DLG2: variants seen among roughly 807,000 people sequenced by gnomAD.
DLG2 encodes the protein discs large MAGUK scaffold protein 2.
In DLG2, 45 loss-of-function variants were observed where a neutral mutation model predicts 132.5. That is an observed-to-expected ratio of 0.34 (90% CI 0.27 to 0.44). DLG2 has a LOEUF of 0.44. DLG2 is among the 20% of genes least tolerant of loss of function. The probability of loss-of-function intolerance (pLI) is 1.00; values close to 1 mark genes in which losing one functional copy is unlikely to be tolerated. For synonymous variants in DLG2, 424 were observed against 419.6 expected, an observed-to-expected ratio of 1.01 and a Z score of -0.13; for missense variants, 1,045 against 1,196.9, an observed-to-expected ratio of 0.87 and a Z score of 1.87.
At chr11:83,725,464 G>A (rs1285153150) in intron 18 of DLG2, 1 of 152,266 alleles carries the variant, frequency 6.6e-6, no homozygotes, top group African/African-American at 2.4e-5. Context: ...TGCTTAAATC[G>A]TCCCTTAGGT....
chr11:85,414,964 A>C (rs1242309605), intron 3 of DLG2, among the ~76,000 whole-genome samples: 1 of 152,062 alleles, frequency 6.6e-6, no homozygotes, highest in Non-Finnish European at 1.5e-5. Flanking sequence ...GCACTCACCA[A>C]CTGGTCATCT....
In DLG2 at chr11:85,205,731, C is replaced by T. The variant is rs371963659; in HGVS notation, c.187-51080G>A. ...TTCCCTATGGGATTCAAATGAGCAG[C>T]CCAATTAGGAAAGACTGACCCAGAC... On this transcript the variant is annotated intron_variant, in intron 4 of 27. Transcript: ENST00000376104. Among the ~76,000 whole-genome samples, 11 of 152,150 alleles carry T rather than the reference C, an allele frequency of 7.2e-5. No homozygotes were observed. In the East Asian group the frequency reaches 2.1e-3, roughly 30 times the overall value.
At chr11:83,649,955 T>A (rs2069589933) in intron 18 of DLG2, among the ~76,000 whole-genome samples, 1 of 152,240 alleles carries the variant, frequency 6.6e-6, no homozygotes, top group Admixed American at 6.5e-5. Flanking sequence ...GAAAGTTTTT[T>A]AACTTTATTC....
At chr11:84,947,941 A>G (rs1008181687) in intron 6 of DLG2, among the ~76,000 whole-genome samples, 25 of 152,210 alleles carry the variant, frequency 1.6e-4, no homozygotes, top group Non-Finnish European at 2.8e-4. Context: ...CTTGTCCTAG[A>G]GCAATGATAG....
intron 6 of DLG2, among the ~76,000 whole-genome samples, chr11:84,584,910 G>T (rs187670792): frequency 1.7e-4 from 25 of 150,814 alleles, no homozygotes; most frequent in African/African-American, 5.6e-4. Context: ...GGATGGTCTC[G>T]ATCTCCTGAC....
chr11:85,356,823 GATA>G (rs1423986295), intron 3 of DLG2, among the ~76,000 whole-genome samples: 22 of 126,238 alleles, frequency 1.7e-4, no homozygotes, highest in Non-Finnish European at 2.7e-4. Context: ...TAGATAGATA[GATA>G]GAGATGATAG....
At chr11:84,805,794 A>G (rs2075925259) in intron 6 of DLG2, among the ~76,000 whole-genome samples, 1 of 151,836 alleles carries the variant, frequency 6.6e-6, no homozygotes, top group Non-Finnish European at 1.5e-5. Flanking sequence ...GAGACATTCA[A>G]ACATTTTTTT....
chr11:84,143,496 G>A (rs367663846), intron 9 of DLG2, among the ~76,000 whole-genome samples: 46 of 152,232 alleles, frequency 3.0e-4, no homozygotes, highest in Non-Finnish European at 6.0e-4. Context: ...TTAAAACCAC[G>A]TAATTCACCA....
intron 21 of DLG2, among the ~76,000 whole-genome samples, chr11:83,511,576 G>A (rs1251768061): frequency 1.3e-5 from 2 of 151,900 alleles, no homozygotes; most frequent in African/African-American, 2.4e-5. Flanking sequence ...CATGGTAAAT[G>A]GTTAATAAAT....
At chr11:83,851,615 GAAACTCGGTCTCAAAAA>G (rs905973704) in intron 16 of DLG2, among the ~76,000 whole-genome samples, 5 of 147,506 alleles carry the variant, frequency 3.4e-5, no homozygotes, top group Non-Finnish European at 5.9e-5. Flanking sequence ...CAATAAGAGT[GAAACTCGGTCTCAAAAA>G]AAAAAAAGGC....
At chr11:84,735,328 C>A (rs991633320) in intron 6 of DLG2, among the ~76,000 whole-genome samples, 3 of 152,074 alleles carry the variant, frequency 2.0e-5, no homozygotes, top group Non-Finnish European at 4.4e-5. Context: ...TATTATTGGT[C>A]TATTCAGAGA....
At chr11:84,312,871 G>A (rs540983039) in intron 7 of DLG2, among the ~76,000 whole-genome samples, 2 of 152,160 alleles carry the variant, frequency 1.3e-5, no homozygotes, top group East Asian at 3.9e-4. Flanking sequence ...GTGCAATGGT[G>A]CAATCTCGGC....
At chr11:85,568,181 A>T (rs2077640978) in intron 3 of DLG2, among the ~76,000 whole-genome samples, 1 of 151,716 alleles carries the variant, frequency 6.6e-6, no homozygotes, top group African/African-American at 2.4e-5. Flanking sequence ...TGCCTGGCTA[A>T]TTTTTTTGTA....
chr11:83,886,207 T>A (rs1190572668), intron 15 of DLG2, among the ~76,000 whole-genome samples: 1 of 152,046 alleles, frequency 6.6e-6, no homozygotes, highest in Non-Finnish European at 1.5e-5. Flanking sequence ...GAAACCCATC[T>A]CATGTGCAGA....
chr11:84,420,760 C>G (rs932138174), intron 7 of DLG2, among the ~76,000 whole-genome samples: 4 of 145,958 alleles, frequency 2.7e-5, no homozygotes, highest in African/African-American at 1.0e-4. Flanking sequence ...GCTCCGCCTC[C>G]CGGGTTCACG....
In DLG2 at chr11:85,417,001, G is replaced by A. The variant is rs894372728; in HGVS notation, c.41-131636C>T. ...TATATCGAATAGGAGTGGTGAGAGA[G>A]GGCATCCTTGTCGTATGCCAGTTTT... is the stretch of plus-strand genomic sequence containing the variant. On this transcript the variant is annotated intron_variant, in intron 3 of 27. Coordinates refer to ENST00000376104, the MANE Select transcript of DLG2 (RefSeq NM_001142699.3). Among the ~76,000 whole-genome samples, 30 of 152,266 alleles carry A rather than the reference G, an allele frequency of 2.0e-4. 1 individual carries two copies. Among genetic ancestry groups the A allele is most frequent in the Non-Finnish European group, 4.3e-4 (29 of 68,016 alleles).
chr11:85,373,631 G>A (rs925709895), intron 3 of DLG2, among the ~76,000 whole-genome samples: 5 of 152,092 alleles, frequency 3.3e-5, no homozygotes, highest in African/African-American at 1.2e-4. Flanking sequence ...CTTCCTGTGT[G>A]GAACCTGCAA....
intron 7 of DLG2, among the ~76,000 whole-genome samples, chr11:84,434,183 G>A (rs2098993662): frequency 6.6e-6 from 1 of 151,268 alleles, no homozygotes; most frequent in African/African-American, 2.4e-5. Context: ...CAATGATAGA[G>A]GACAAAGAAT....
At chr11:85,382,985 A>T (rs548559758) in intron 3 of DLG2, among the ~76,000 whole-genome samples, 1 of 152,248 alleles carries the variant, frequency 6.6e-6, no homozygotes, top group Non-Finnish European at 1.5e-5. Flanking sequence ...CTCAGTATAG[A>T]CCCAAGAGAA....
Sources: gnomAD v4.1 joint callset for allele counts (sites outside exome capture counted in the v4.1 genomes callset) on GRCh38, gnomAD v4.1.1 for gene constraint, MANE v1.5 for transcripts, NCBI Gene and HGNC (gene_info 2026-07-23, HGNC 2026-07-21) for gene names.